Variants in SLC15A5 observed in about 807,000 individuals in gnomAD.
SLC15A5 encodes Peptide/histidine transporter ENSP00000340402.
SLC15A5 carries 58 observed loss-of-function variants against 56.1 expected under a neutral mutation model. The ratio of observed to expected loss-of-function variants is 1.03; its 90% CI spans 0.84 to 1.29. The LOEUF (loss-of-function observed/expected upper bound fraction) is 1.29, where lower values mean the gene tolerates loss of function less well. Among genes scored for constraint, SLC15A5 ranks in the 50% most tolerant of loss-of-function variants. The pLI is 0.00. For synonymous variants in SLC15A5, 264 were observed against 250.5 expected, an observed-to-expected ratio of 1.05 and a Z score of -0.51; for missense variants, 681 against 672.1, an observed-to-expected ratio of 1.01 and a Z score of -0.15.
At chr12:16,270,522 G>T (rs1017436462) in intron 2 of SLC15A5, among the ~76,000 whole-genome samples, 1 of 152,070 alleles carries the variant, frequency 6.6e-6, no homozygotes, top group Non-Finnish European at 1.5e-5. Flanking sequence ...TTAGACAATG[G>T]TTTCAGCTGA....
At position 16,196,392 on chromosome 12, in the gene SLC15A5, A is replaced by C. The variant is rs1592106116; in HGVS notation, c.1484-1939T>G. Reference sequence around the variant, plus strand: ...TATATGTGTGCTTTTGTGTGTGTGCATGTGTGTGTGTGTGCCCGTGCATGT... The same window carrying C: ...TATATGTGTGCTTTTGTGTGTGTGCCTGTGTGTGTGTGTGCCCGTGCATGT... On this transcript the variant is annotated intron_variant, in intron 7 of 8. Coordinates refer to ENST00000344941, the MANE Select transcript of SLC15A5 (RefSeq NM_001170798.1). This position sits in a 1 kb window ranked among gnomAD's most constrained non-coding sequence, Gnocchi z 4.0. 6.6e-6 allele frequency among the ~76,000 whole-genome samples: 1 copy of C among 151,318 alleles called. No individual in the cohort carries two copies. The highest frequency in any genetic ancestry group is 2.4e-5 in the African/African-American group (1 of 41,326).
intron 3 of SLC15A5, among the ~76,000 whole-genome samples, chr12:16,257,226 A>G (rs1308902423): frequency 6.6e-6 from 1 of 152,100 alleles, no homozygotes; most frequent in East Asian, 1.9e-4. Flanking sequence ...TATATTACAT[A>G]TAAATAAATA....
At chr12:16,223,196 A>G (rs1412294354) in intron 6 of SLC15A5, among the ~76,000 whole-genome samples, 1 of 152,178 alleles carries the variant, frequency 6.6e-6, no homozygotes, top group East Asian at 1.9e-4. Flanking sequence ...TAATAGAATC[A>G]TTGAAGATTG....
chr12:16,233,265 T>G (rs1864315864), intron 5 of SLC15A5, among the ~76,000 whole-genome samples: 1 of 152,126 alleles, frequency 6.6e-6, no homozygotes, highest in South Asian at 2.1e-4. Context: ...GCATCACTAT[T>G]TTTTTTCTCT....
intron 7 of SLC15A5, among the ~76,000 whole-genome samples, chr12:16,213,045 G>C (rs1864098331): frequency 1.3e-5 from 2 of 152,090 alleles, no homozygotes; most frequent in Admixed American, 6.5e-5. Context: ...AGAGAGTCCA[G>C]GTTGATAAAA....
chr12:16,244,824 G>A (rs74065829), intron 3 of SLC15A5, 24 bp from the exon 4 acceptor site: 59,462 of 1,522,524 alleles, frequency 0.039, 1,459 homozygotes, highest in African/African-American at 0.11. Flanking sequence ...GAGATATTAT[G>A]TATTAGTATA....
intron 6 of SLC15A5, among the ~76,000 whole-genome samples, chr12:16,223,833 A>G (rs1420821389): frequency 1.9e-5 from 2 of 104,756 alleles, no homozygotes; most frequent in African/African-American, 6.7e-5. Context: ...CTCCTGCCTC[A>G]GCCTCCTTGA....
At chr12:16,229,208 T>G (rs1237545610) in intron 5 of SLC15A5, among the ~76,000 whole-genome samples, 2 of 152,218 alleles carry the variant, frequency 1.3e-5, no homozygotes, top group African/African-American at 4.8e-5. Context: ...TCCACACAGT[T>G]AAGAAGAAAT....
intron 5 of SLC15A5, among the ~76,000 whole-genome samples, chr12:16,238,731 T>G (rs1343841412): frequency 4.6e-5 from 7 of 152,086 alleles, no homozygotes; most frequent in African/African-American, 1.7e-4. Flanking sequence ...AAGTAGAGGA[T>G]AAGACATTAG....
chr12:16,211,763 T>A (rs532049678), intron 7 of SLC15A5, among the ~76,000 whole-genome samples: 51 of 152,284 alleles, frequency 3.3e-4, no homozygotes, highest in Non-Finnish European at 1.2e-4. Context: ...ATGAGTTTAG[T>A]CTTGTATCTT....
intron 7 of SLC15A5, among the ~76,000 whole-genome samples, chr12:16,214,528 G>T (rs923715384): frequency 6.6e-6 from 1 of 152,198 alleles, no homozygotes; most frequent in Admixed American, 6.5e-5. Flanking sequence ...GGGAGCAGAA[G>T]GAGGGTGGAG....
intron 7 of SLC15A5, among the ~76,000 whole-genome samples, chr12:16,209,429 A>G (rs1201558031): frequency 1.3e-5 from 2 of 152,014 alleles, no homozygotes; most frequent in Non-Finnish European, 2.9e-5. Context: ...ATGTAATTTC[A>G]TTCATTTCCA....
intron 3 of SLC15A5, among the ~76,000 whole-genome samples, chr12:16,250,598 C>A (rs541837441): frequency 6.6e-6 from 1 of 151,828 alleles, no homozygotes; most frequent in East Asian, 1.9e-4. Flanking sequence ...AGCGAAAGTA[C>A]GCAATGAAGA....
At chr12:16,209,301 T>C (rs960409101) in intron 7 of SLC15A5, among the ~76,000 whole-genome samples, 17 of 152,218 alleles carry the variant, frequency 1.1e-4, no homozygotes, top group African/African-American at 4.1e-4. Context: ...TATATACATA[T>C]ATAGTTCCCT....
intron 2 of SLC15A5, 145 bp downstream of exon 2, chr12:16,272,416 G>T: frequency 1.3e-6 from 1 of 772,614 alleles, no homozygotes; most frequent in Non-Finnish European, 2.1e-6. Flanking sequence ...TGTGATTACT[G>T]ACTGAATCAT....
At chr12:16,222,516 G>A (rs1237139728) in intron 6 of SLC15A5, among the ~76,000 whole-genome samples, 1 of 152,140 alleles carries the variant, frequency 6.6e-6, no homozygotes, top group African/African-American at 2.4e-5. Flanking sequence ...GTGAGGATTG[G>A]AGGTTAAATG....
intron 4 of SLC15A5, among the ~76,000 whole-genome samples, chr12:16,240,231 TA>T (rs1191540998): frequency 6.6e-6 from 1 of 152,034 alleles, no homozygotes; most frequent in Non-Finnish European, 1.5e-5. Flanking sequence ...AACACTAATA[TA>T]AAACCAGTAA....
At chr12:16,266,026 C>T (rs1864692011) in intron 2 of SLC15A5, among the ~76,000 whole-genome samples, 1 of 152,158 alleles carries the variant, frequency 6.6e-6, no homozygotes, top group Admixed American at 6.5e-5. Flanking sequence ...ACTAAAACCT[C>T]TCAATAATTG....
At chr12:16,191,211 C>A (rs1210750106) in intron 8 of SLC15A5, among the ~76,000 whole-genome samples, 6 of 151,982 alleles carry the variant, frequency 3.9e-5, no homozygotes, top group Admixed American at 3.9e-4. Flanking sequence ...TAATTCCTAG[C>A]TTTATGCAGC....
Sources: gnomAD v4.1 joint callset for allele counts (sites outside exome capture counted in the v4.1 genomes callset) on GRCh38, gnomAD v4.1.1 for gene constraint, Gnocchi (gnomAD v3.1) non-coding constraint, MANE v1.5 for transcripts, NCBI Gene and HGNC (gene_info 2026-07-23, HGNC 2026-07-21) for gene names.